The following NALF1 variants were observed in gnomAD, a reference collection of about 807,000 sequenced individuals.
The protein encoded by NALF1 is family with sequence similarity 155 member A.
Under a neutral mutation model 48.4 loss-of-function variants are expected in NALF1, and 3 were observed. That is an observed-to-expected ratio of 0.06 (90% CI 0.03 to 0.16). NALF1 has a LOEUF of 0.16. Among genes scored for constraint, NALF1 ranks in the 10% least tolerant of loss-of-function variants. The pLI, the probability that NALF1 is intolerant of heterozygous loss-of-function variation, is 1.00. For synonymous variants in NALF1, 262 were observed against 245.7 expected, an observed-to-expected ratio of 1.07 and a Z score of -0.62; for missense variants, 526 against 571.5, an observed-to-expected ratio of 0.92 and a Z score of 0.81.
chr13:107,212,722 A>T (rs544165615), intron 1 of NALF1, among the ~76,000 whole-genome samples: 1 of 152,220 alleles, frequency 6.6e-6, no homozygotes, highest in Non-Finnish European at 1.5e-5. Flanking sequence ...GCTGTAGTAT[A>T]GGAATGAGCC....
At chr13:107,552,435 G>A (rs1045360609) in intron 1 of NALF1, among the ~76,000 whole-genome samples, 1 of 152,080 alleles carries the variant, frequency 6.6e-6, no homozygotes, top group African/African-American at 2.4e-5. Flanking sequence ...TTAGGAAAAC[G>A]CACAGCTAAT....
At chr13:107,209,907 A>G (rs534738461) in intron 2 of NALF1, among the ~76,000 whole-genome samples, 1 of 152,156 alleles carries the variant, frequency 6.6e-6, no homozygotes, top group Non-Finnish European at 1.5e-5. Flanking sequence ...TTTATTTTTT[A>G]AAAAAAGGCT....
rs1884724079 is a variant in NALF1, at chr13:107,450,565, C to T, written c.916-239810G>A. ...GTTTAGGCTGCTTCCTGGAGTACTT[C>T]CAAGTGTGAGAATGCTTAGGAGACA... On this transcript the variant is annotated intron_variant, in intron 1 of 2. Transcript: ENST00000375915. Among the ~76,000 whole-genome samples the T allele has an allele frequency of 2.6e-5, 4 of 152,112 alleles. No homozygotes were observed. In the South Asian group the frequency reaches 8.3e-4, roughly 32 times the overall value.
intron 1 of NALF1, among the ~76,000 whole-genome samples, chr13:107,677,777 G>A (rs1881168616): frequency 6.6e-6 from 1 of 152,032 alleles, no homozygotes; most frequent in Non-Finnish European, 1.5e-5. Flanking sequence ...TCTATAGTCT[G>A]CGATTATACT....
At chr13:107,411,673 T>A (rs1883994436) in intron 1 of NALF1, among the ~76,000 whole-genome samples, 1 of 152,108 alleles carries the variant, frequency 6.6e-6, no homozygotes. Context: ...CTGACGTGTG[T>A]CACTAAGAAT....
chr13:107,799,233 A>G (rs1274368947), intron 1 of NALF1, among the ~76,000 whole-genome samples: 1 of 152,212 alleles, frequency 6.6e-6, no homozygotes, highest in Non-Finnish European at 1.5e-5. Context: ...ATATGAAAGC[A>G]TGCATTACAA....
intron 1 of NALF1, among the ~76,000 whole-genome samples, chr13:107,791,506 A>G (rs1160922781): frequency 5.3e-5 from 8 of 152,226 alleles, no homozygotes; most frequent in Admixed American, 5.2e-4. Context: ...TTTTTAATGC[A>G]GAAACCCAAA....
At chr13:107,288,435 G>T (rs1245365510) in intron 1 of NALF1, among the ~76,000 whole-genome samples, 1 of 151,324 alleles carries the variant, frequency 6.6e-6, no homozygotes, top group Non-Finnish European at 1.5e-5. Context: ...GGTCAGGCTG[G>T]TCTTGCACTC....
chr13:107,237,059 C>T (rs1375417295), intron 1 of NALF1, among the ~76,000 whole-genome samples: 1 of 149,066 alleles, frequency 6.7e-6, no homozygotes, highest in African/African-American at 2.5e-5. Flanking sequence ...GAATCAATCC[C>T]ACACAGATAC....
intron 1 of NALF1, among the ~76,000 whole-genome samples, chr13:107,244,930 T>C (rs1220000196): frequency 6.6e-6 from 1 of 152,178 alleles, no homozygotes; most frequent in Non-Finnish European, 1.5e-5. Flanking sequence ...TTCCTATTAT[T>C]TATTTAAGAC....
chr13:107,638,194 T>C (rs1426517937), intron 1 of NALF1, among the ~76,000 whole-genome samples: 1 of 124,782 alleles, frequency 8.0e-6, no homozygotes, highest in Non-Finnish European at 1.7e-5. Flanking sequence ...GATTTATATA[T>C]ATATATATAT....
chr13:107,331,774 A>G (rs561623276), intron 1 of NALF1, among the ~76,000 whole-genome samples: 4 of 152,276 alleles, frequency 2.6e-5, no homozygotes, highest in Admixed American at 2.6e-4. Context: ...GAAAAATATT[A>G]TGCATATTTG....
At chr13:107,614,539 C>T (rs570845344) in intron 1 of NALF1, among the ~76,000 whole-genome samples, 2 of 152,204 alleles carry the variant, frequency 1.3e-5, no homozygotes, top group South Asian at 4.1e-4. Context: ...ATTTGATAAG[C>T]TAATGTTTAT....
rs1367942939 is a variant in NALF1, at chr13:107,866,748, CCTCTCT to C, written c.-158_-153del. On this transcript the variant is annotated 5_prime_UTR_variant, in exon 1 of 3. Transcript: ENST00000375915. This position sits in a 1 kb window ranked among gnomAD's most constrained non-coding sequence, Gnocchi z 4.4. ...CTCTCTTTCTCTCTCTTCCCCTCTCCCTCTCTCCTCTCTCTCTCTCTCCCTCTCCCT... is the reference window on the plus strand; with the variant it reads ...CTCTCTTTCTCTCTCTTCCCCTCTCCCCTCTCTCTCTCTCTCCCTCTCCCT... 8.1e-6 allele frequency: 5 copies of C among 617,534 alleles called. No individual in the cohort carries two copies. The highest frequency in any genetic ancestry group is 1.4e-5 in the Non-Finnish European group (5 of 354,234). 38.3% of individuals were successfully genotyped at this position (617,534 alleles called of 1,614,324 possible).
intron 1 of NALF1, among the ~76,000 whole-genome samples, chr13:107,407,450 T>A (rs7987681): frequency 6.6e-6 from 1 of 151,950 alleles, no homozygotes; most frequent in East Asian, 1.9e-4. Flanking sequence ...GGGCAAAAGA[T>A]CTGAATAGAC....
chr13:107,771,305 T>A (rs912044242), intron 1 of NALF1, among the ~76,000 whole-genome samples: 1 of 151,906 alleles, frequency 6.6e-6, no homozygotes, highest in Non-Finnish European at 1.5e-5. Flanking sequence ...CAAAAAATGT[T>A]TTACAATTGA....
intron 1 of NALF1, among the ~76,000 whole-genome samples, chr13:107,398,096 G>C (rs1016892002): frequency 6.6e-6 from 1 of 151,966 alleles, no homozygotes; most frequent in South Asian, 2.1e-4. Context: ...ACAGAATTGG[G>C]CATTTTTTTC....
At chr13:107,556,763 T>A (rs954656060) in intron 1 of NALF1, among the ~76,000 whole-genome samples, 2 of 152,114 alleles carry the variant, frequency 1.3e-5, no homozygotes, top group Non-Finnish European at 2.9e-5. Context: ...TGGGATTACA[T>A]CATTATCTGT....
intron 1 of NALF1, among the ~76,000 whole-genome samples, chr13:107,312,277 A>G (rs1340256436): frequency 1.3e-5 from 2 of 152,222 alleles, no homozygotes; most frequent in African/African-American, 4.8e-5. Flanking sequence ...TTGTAGGGAC[A>G]TGGATGAAGC....
Sources: allele counts gnomAD v4.1 joint callset (sites outside exome capture counted in the v4.1 genomes callset), GRCh38; gene constraint gnomAD v4.1.1; non-coding constraint Gnocchi (gnomAD v3.1); transcripts MANE v1.5; gene names NCBI Gene and HGNC (gene_info 2026-07-23, HGNC 2026-07-21).